MAP4K4: variants seen among roughly 807,000 people sequenced by gnomAD.
MAP4K4 encodes the protein HPK/GCK-like kinase HGK.
MAP4K4 carries 38 observed loss-of-function variants against 189.6 expected under a neutral mutation model. That is an observed-to-expected ratio of 0.20 (90% CI 0.15 to 0.26). The LOEUF (loss-of-function observed/expected upper bound fraction) is 0.26, where lower values mean the gene tolerates loss of function less well. Among genes scored for constraint, MAP4K4 ranks in the 10% least tolerant of loss-of-function variants. MAP4K4 has a pLI of 1.00. For synonymous variants in MAP4K4, 610 were observed against 624.3 expected (o/e 0.98, Z 0.34); for missense variants, 1,054 against 1,726.9 (o/e 0.61, Z 6.91).
chr2:101,821,347 G>A (rs1463426942), intron 3 of MAP4K4, among the ~76,000 whole-genome samples: 1 of 152,136 alleles, frequency 6.6e-6, no homozygotes, highest in Non-Finnish European at 1.5e-5. Flanking sequence ...TCATTAGGCA[G>A]TTTTGCTGTT....
chr2:101,819,423 G>T (rs2095907346), intron 3 of MAP4K4, among the ~76,000 whole-genome samples: 1 of 152,146 alleles, frequency 6.6e-6, no homozygotes, highest in Non-Finnish European at 1.5e-5. Context: ...TATTTCTAGT[G>T]TTTTTTCCTT....
At position 101,868,008 on chromosome 2, in the gene MAP4K4, C is replaced by T. The variant is rs377394493; in HGVS notation, c.2455-21C>T. On this transcript the variant is annotated intron_variant, in intron 20 of 32. Coordinates refer to ENST00000324219, the Ensembl canonical transcript of MAP4K4. ...ATCAACGATGGCTTCTCGGACTCCA[C>T]GAAACTGCGCTGTACTGAAGGGCGA... The T allele has an allele frequency of 3.7e-5, 59 of 1,613,042 alleles. No individual in the cohort carries two copies. In the African/African-American group the frequency reaches 4.1e-4, roughly 11 times the overall value.
intron 2 of MAP4K4, among the ~76,000 whole-genome samples, chr2:101,786,494 T>C (rs539348203): frequency 6.6e-6 from 1 of 152,312 alleles, no homozygotes; most frequent in Admixed American, 6.5e-5. Flanking sequence ...ATAACGGTTC[T>C]GGTTATTTGA....
intron 3 of MAP4K4, among the ~76,000 whole-genome samples, chr2:101,806,039 C>T (rs1438895381): frequency 1.3e-5 from 2 of 152,166 alleles, no homozygotes; most frequent in South Asian, 2.1e-4. Flanking sequence ...AGCAAGCCTG[C>T]GTTCTTGCCC....
chr2:101,864,681 C>T (rs1480280867), intron 17 of MAP4K4, among the ~76,000 whole-genome samples: 2 of 152,128 alleles, frequency 1.3e-5, no homozygotes, highest in Admixed American at 1.3e-4. Context: ...AGCTTCAGTC[C>T]AAACATCATT....
intron 2 of MAP4K4, among the ~76,000 whole-genome samples, chr2:101,702,801 T>A (rs1433583329): frequency 1.3e-5 from 2 of 152,138 alleles, no homozygotes; most frequent in African/African-American, 4.8e-5. Flanking sequence ...CCTTGGAGAT[T>A]GAGGACAAGG....
At chr2:101,888,532 A>G (rs2150328869) in intron 31 of MAP4K4, among the ~76,000 whole-genome samples, 1 of 152,274 alleles carries the variant, frequency 6.6e-6, no homozygotes, top group East Asian at 1.9e-4. Context: ...CTCTAAACTC[A>G]GTGGGTAATT....
intron 3 of MAP4K4, chr2:101,797,450 ATCT>A (rs995753614): frequency 1.7e-6 from 2 of 1,179,864 alleles, no homozygotes; most frequent in Non-Finnish European, 2.2e-6. Flanking sequence ...CTCCCTCCTT[ATCT>A]TCTTATCTTC....
chr2:101,798,972 A>C (rs1163531971), intron 3 of MAP4K4, among the ~76,000 whole-genome samples: 1 of 152,186 alleles, frequency 6.6e-6, no homozygotes, highest in Non-Finnish European at 1.5e-5. Context: ...AAATTATTGG[A>C]GTGGTTAGGA....
chr2:101,799,791 C>T (rs887173689), intron 3 of MAP4K4, among the ~76,000 whole-genome samples: 1 of 151,912 alleles, frequency 6.6e-6, no homozygotes, highest in Non-Finnish European at 1.5e-5. Flanking sequence ...TTCGTAGAGA[C>T]GAAGTCTTAC....
At chr2:101,699,358 A>G (rs1195839400) in intron 2 of MAP4K4, among the ~76,000 whole-genome samples, 1 of 152,212 alleles carries the variant, frequency 6.6e-6, no homozygotes, top group Non-Finnish European at 1.5e-5. Context: ...AACAGTGTTC[A>G]TTTTATACAT....
chr2:101,724,435 T>C (rs910392796), intron 2 of MAP4K4, among the ~76,000 whole-genome samples: 1 of 152,182 alleles, frequency 6.6e-6, no homozygotes, highest in Non-Finnish European at 1.5e-5. Context: ...TGGGCTGTCA[T>C]TCCTCTTTAA....
intron 2 of MAP4K4, among the ~76,000 whole-genome samples, chr2:101,729,034 A>G (rs937560271): frequency 6.6e-6 from 1 of 151,986 alleles, no homozygotes; most frequent in Non-Finnish European, 1.5e-5. Flanking sequence ...AGATGAAAGC[A>G]GAAGCAACTT....
chr2:101,830,125 C>G (rs1214808925), intron 6 of MAP4K4, among the ~76,000 whole-genome samples: 5 of 152,034 alleles, frequency 3.3e-5, no homozygotes, highest in African/African-American at 9.6e-5. Context: ...CGGGCCTTTT[C>G]CAACCTCTAA....
chr2:101,752,212 G>C (rs906248764), intron 2 of MAP4K4, among the ~76,000 whole-genome samples: 8 of 152,156 alleles, frequency 5.3e-5, no homozygotes, highest in African/African-American at 1.9e-4. Context: ...TTTATAACAT[G>C]CCCAAGGGTA....
intron 3 of MAP4K4, among the ~76,000 whole-genome samples, chr2:101,813,276 T>C (rs2149190852): frequency 1.3e-5 from 2 of 152,250 alleles, no homozygotes; most frequent in Non-Finnish European, 2.9e-5. Context: ...AAGAGAAAAA[T>C]TATTTTCTGA....
chr2:101,864,759 C>G (rs1471350393), intron 17 of MAP4K4, among the ~76,000 whole-genome samples, 171 bp from the exon 18 acceptor site: 1 of 152,132 alleles, frequency 6.6e-6, no homozygotes, highest in South Asian at 2.1e-4. Flanking sequence ...TAAATTTTCT[C>G]TCCGATTGTA....
intron 13 of MAP4K4, among the ~76,000 whole-genome samples, chr2:101,857,788 A>C (rs762473712): frequency 6.6e-6 from 1 of 151,976 alleles, no homozygotes; most frequent in Non-Finnish European, 1.5e-5. Context: ...GGATTTTTAT[A>C]TGCTGTAATT....
At chr2:101,736,181 G>T (rs182539760) in intron 2 of MAP4K4, among the ~76,000 whole-genome samples, 1 of 152,302 alleles carries the variant, frequency 6.6e-6, no homozygotes, top group Admixed American at 6.5e-5. Flanking sequence ...CATCTGATCT[G>T]CTCCCTAACT....
Sources: gnomAD v4.1 joint callset for allele counts (sites outside exome capture counted in the v4.1 genomes callset) on GRCh38, gnomAD v4.1.1 for gene constraint, MANE v1.5 for transcripts, NCBI Gene and HGNC (gene_info 2026-07-23, HGNC 2026-07-21) for gene names.